RIMS1: variants seen among roughly 807,000 people sequenced by gnomAD.
RIMS1 encodes the protein regulating synaptic membrane exocytosis 1, also known as regulating synaptic membrane exocytosis protein 1.
RIMS1 carries 83 observed loss-of-function variants against 214.1 expected under a neutral mutation model. That is an observed-to-expected ratio of 0.39 (90% CI 0.32 to 0.47). The LOEUF (loss-of-function observed/expected upper bound fraction) is 0.47, where lower values mean the gene tolerates loss of function less well. RIMS1 is among the 20% of genes least tolerant of loss of function. The pLI is 0.99. For synonymous variants in RIMS1, 793 were observed against 786.8 expected (o/e 1.01, Z -0.13); for missense variants, 2,050 against 2,161.8 (o/e 0.95, Z 1.03).
chr6:72,027,439 T>C (rs886887105), intron 2 of RIMS1, among the ~76,000 whole-genome samples: 20 of 152,296 alleles, frequency 1.3e-4, no homozygotes, highest in African/African-American at 4.6e-4. Flanking sequence ...ATATAACAGG[T>C]ACTTCTTGGG....
At chr6:72,255,895 G>GC (rs898737526) in intron 16 of RIMS1, among the ~76,000 whole-genome samples, 3 of 151,994 alleles carry the variant, frequency 2.0e-5, no homozygotes, top group Non-Finnish European at 4.4e-5. Flanking sequence ...AATTAGCTGG[G>GC]CCTGGTGGCG....
At chr6:72,353,221 G>C (rs1369567553) in intron 29 of RIMS1, among the ~76,000 whole-genome samples, 1 of 151,992 alleles carries the variant, frequency 6.6e-6, no homozygotes, top group Non-Finnish European at 1.5e-5. Flanking sequence ...CTGACCTCGG[G>C]TGATCCACCA....
Position 72,100,054 on chromosome 6 carries a change from T to A in RIMS1, c.471+68T>A, listed in dbSNP as rs1040936692. The A allele has an allele frequency of 2.5e-6, 3 of 1,207,440 alleles. No homozygotes were observed. In the African/African-American group the frequency reaches 4.5e-5, roughly 18 times the overall value. The allele number at this position is 1,207,440 out of a possible 1,614,324, so 74.8% of individuals were successfully genotyped here. ...GTTGTGAACTTTATTAAGTGAATGT[T>A]GCACCTAGTATTGTTAATAACTATA... On this transcript the variant is annotated intron_variant, in intron 4 of 33. Transcript: ENST00000521978.
intron 29 of RIMS1, among the ~76,000 whole-genome samples, chr6:72,364,223 AG>A (rs1322402661): frequency 1.3e-5 from 2 of 152,154 alleles, no homozygotes; most frequent in African/African-American, 4.8e-5. Flanking sequence ...ATCTTTATCC[AG>A]CTTTTTACAC....
chr6:72,338,831 G>C (rs1163336425), intron 29 of RIMS1, among the ~76,000 whole-genome samples: 1 of 146,840 alleles, frequency 6.8e-6, no homozygotes, highest in African/African-American at 2.5e-5. Flanking sequence ...CCAAACCCAT[G>C]CTTTTAACCA....
In RIMS1 at chr6:72,145,974, A is replaced by G. The variant is rs550971407; in HGVS notation, c.472-33601A>G. Among the ~76,000 whole-genome samples, 238 of 152,366 alleles carry G rather than the reference A, an allele frequency of 1.6e-3. 3 individuals carry two copies. In the South Asian group the frequency reaches 0.02, roughly 13 times the overall value. ...ATACGCTGGAAATTTTGTTCACAGAAGTATACCTTACTCAATTGTTAAAAG... is the reference window on the plus strand; with the variant it reads ...ATACGCTGGAAATTTTGTTCACAGAGGTATACCTTACTCAATTGTTAAAAG... On this transcript the variant is annotated intron_variant, in intron 4 of 33. Coordinates refer to ENST00000521978, the MANE Select transcript of RIMS1 (RefSeq NM_014989.7).
intron 1 of RIMS1, among the ~76,000 whole-genome samples, chr6:71,915,142 A>G (rs536865296): frequency 5.9e-5 from 9 of 152,196 alleles, no homozygotes; most frequent in South Asian, 4.1e-4. Flanking sequence ...GTATTATTCA[A>G]TGTTTTCCTA....
intron 31 of RIMS1, among the ~76,000 whole-genome samples, chr6:72,396,280 G>A (rs897430840): frequency 3.9e-5 from 6 of 152,092 alleles, no homozygotes; most frequent in African/African-American, 9.7e-5. Flanking sequence ...CAAAACACAC[G>A]TGTGTATGTG....
intron 22 of RIMS1, among the ~76,000 whole-genome samples, chr6:72,267,705 G>C (rs1476055904): frequency 1.3e-5 from 2 of 152,060 alleles, no homozygotes; most frequent in Non-Finnish European, 2.9e-5. Flanking sequence ...CTTATGGTGA[G>C]CCTGTCTAGC....
chr6:72,252,681 TA>T (rs1563100615), intron 15 of RIMS1, 79 bp from the exon 16 acceptor site: 8 of 1,163,070 alleles, frequency 6.9e-6, no homozygotes, highest in South Asian at 1.3e-5. Context: ...ATTCACTTTT[TA>T]AAAAAAGTTT....
At chr6:72,043,436 T>G (rs1225801505) in intron 2 of RIMS1, among the ~76,000 whole-genome samples, 4 of 151,894 alleles carry the variant, frequency 2.6e-5, no homozygotes, top group Non-Finnish European at 5.9e-5. Flanking sequence ...AAGTTCCTGA[T>G]GACCTGTGAG....
intron 2 of RIMS1, among the ~76,000 whole-genome samples, chr6:72,080,772 G>A (rs530973630): frequency 1.3e-5 from 2 of 152,212 alleles, no homozygotes; most frequent in East Asian, 3.9e-4. Context: ...TCTCTGTAAT[G>A]TGCTCCCTCA....
intron 1 of RIMS1, among the ~76,000 whole-genome samples, chr6:71,931,255 T>C (rs1382610297): frequency 6.6e-6 from 1 of 152,074 alleles, no homozygotes; most frequent in African/African-American, 2.4e-5. Flanking sequence ...ATCCAAACTC[T>C]AATTTACATA....
chr6:72,261,874 G>GA (rs1563216174), intron 19 of RIMS1: 3 of 985,036 alleles, frequency 3.0e-6, no homozygotes, highest in African/African-American at 3.5e-5. Flanking sequence ...TGCTTGCTGA[G>GA]AAAAAAATGT....
At chr6:72,332,796 A>G (rs2096716287) in intron 28 of RIMS1, among the ~76,000 whole-genome samples, 1 of 151,846 alleles carries the variant, frequency 6.6e-6, no homozygotes, top group Non-Finnish European at 1.5e-5. Context: ...TTCCCAGCTA[A>G]CTTTCTATGC....
At chr6:72,136,835 G>T (rs1043505853) in intron 4 of RIMS1, among the ~76,000 whole-genome samples, 3 of 151,918 alleles carry the variant, frequency 2.0e-5, no homozygotes, top group Non-Finnish European at 4.4e-5. Context: ...TGAAACACTA[G>T]CTTTAAATAT....
chr6:72,030,372 A>G (rs1446993663), intron 2 of RIMS1, among the ~76,000 whole-genome samples: 1 of 152,192 alleles, frequency 6.6e-6, no homozygotes, highest in Non-Finnish European at 1.5e-5. Context: ...ATTTTAGCAG[A>G]ATATACTTTT....
At chr6:72,174,407 A>G (rs1171539701) in intron 4 of RIMS1, among the ~76,000 whole-genome samples, 1 of 152,180 alleles carries the variant, frequency 6.6e-6, no homozygotes, top group African/African-American at 2.4e-5. Context: ...TTGGGAAGCT[A>G]TTTTGCAAAT....
intron 29 of RIMS1, among the ~76,000 whole-genome samples, chr6:72,346,946 A>C (rs1042696358): frequency 1.3e-5 from 2 of 151,784 alleles, no homozygotes; most frequent in African/African-American, 4.8e-5. Context: ...TAGGCCAACA[A>C]CTTAGTGCCT....
Sources: gnomAD v4.1 joint callset for allele counts (sites outside exome capture counted in the v4.1 genomes callset) on GRCh38, gnomAD v4.1.1 for gene constraint, MANE v1.5 for transcripts, NCBI Gene and HGNC (gene_info 2026-07-23, HGNC 2026-07-21) for gene names.